The following DIAPH3 variants were observed in gnomAD, a reference collection of about 807,000 sequenced individuals.
DIAPH3 encodes the protein diaphanous related formin 3.
DIAPH3 carries 117 observed loss-of-function variants against 144.3 expected under a neutral mutation model. The observed-to-expected ratio is 0.81, with a 90% confidence interval of 0.70 to 0.95. DIAPH3 has a LOEUF of 0.95. DIAPH3 is among the 40% of genes least tolerant of loss of function. The pLI, the probability that DIAPH3 is intolerant of heterozygous loss-of-function variation, is 0.00. For missense variants in DIAPH3, 1,421 were observed against 1,412.7 expected (o/e 1.01, Z -0.09); for synonymous variants, 519 against 488.9 (o/e 1.06, Z -0.81).
At chr13:60,073,031 G>A (rs1003252654) in intron 4 of DIAPH3, among the ~76,000 whole-genome samples, 4 of 152,036 alleles carry the variant, frequency 2.6e-5, no homozygotes, top group African/African-American at 4.8e-5. Flanking sequence ...AATATAGGCC[G>A]GGCACAGTGG....
chr13:60,148,029 GT>G (rs1461403398), intron 1 of DIAPH3, among the ~76,000 whole-genome samples: 3 of 152,122 alleles, frequency 2.0e-5, no homozygotes, highest in African/African-American at 7.2e-5. Context: ...GAAGAGGCAA[GT>G]GCTATAAGTA....
chr13:59,916,317 T>G, intron 18 of DIAPH3, 68 bp from the exon 19 acceptor site: 1 of 1,172,696 alleles, frequency 8.5e-7, no homozygotes, highest in East Asian at 2.5e-5. Flanking sequence ...GATGTAGTTC[T>G]ATTTATAAAA....
chr13:60,139,738 A>C (rs542756524), intron 1 of DIAPH3, among the ~76,000 whole-genome samples: 1 of 152,334 alleles, frequency 6.6e-6, no homozygotes, highest in African/African-American at 2.4e-5. Flanking sequence ...TTTTCATTCT[A>C]ACATAACTCC....
At position 60,163,709 on chromosome 13, in the gene DIAPH3, G is replaced by A. The variant is rs1952411940; in HGVS notation, c.58C>T (p.Pro20Ser). 3 of 1,608,322 alleles carry A rather than the reference G, an allele frequency of 1.9e-6. No homozygotes were observed. Among genetic ancestry groups the A allele is most frequent in the Middle Eastern group, 1.7e-4 (1 of 5,980 alleles). ...CGGAGAGAGGCTGAGGAAGGGTAGG[G>A]AGTCCCAGCGGCTGAGCCTTGGGCC... ...HPAQGSAAGT[P>S]YPSSASLRGC... Residue 20 changes from proline to serine, a missense_variant, in exon 1 of 28, where the codon CCC becomes TCC. Pro to Ser is a moderately conservative substitution (Grantham distance 74). Transcript: ENST00000400324.
At chr13:60,129,025 G>A (rs1315801480) in intron 2 of DIAPH3, among the ~76,000 whole-genome samples, 2 of 152,144 alleles carry the variant, frequency 1.3e-5, no homozygotes, top group Admixed American at 6.5e-5. Flanking sequence ...GCAGGCTGCA[G>A]TCAGATGAAC....
At chr13:60,088,140 G>A (rs956087382) in intron 4 of DIAPH3, among the ~76,000 whole-genome samples, 1 of 152,160 alleles carries the variant, frequency 6.6e-6, no homozygotes, top group East Asian at 1.9e-4. Context: ...TAGTTAAACT[G>A]TCTGGACAGT....
At chr13:59,678,937 T>C (rs769449995) in intron 27 of DIAPH3, among the ~76,000 whole-genome samples, 2 of 152,184 alleles carry the variant, frequency 1.3e-5, no homozygotes, top group Non-Finnish European at 2.9e-5. Context: ...CATGACTACA[T>C]GACAACTCAG....
chr13:59,859,130 T>C (rs1479455629), intron 22 of DIAPH3, among the ~76,000 whole-genome samples: 6 of 152,110 alleles, frequency 3.9e-5, no homozygotes. Context: ...ATCTCATTAA[T>C]AAAGTAATAT....
intron 5 of DIAPH3, 52 bp downstream of exon 5, chr13:60,042,638 A>G: frequency 1.2e-6 from 2 of 1,609,680 alleles, no homozygotes; most frequent in South Asian, 2.2e-5. Flanking sequence ...TATTAAACTA[A>G]AAGAACACAT....
chr13:59,999,893 G>A (rs147119192), intron 9 of DIAPH3, among the ~76,000 whole-genome samples: 228 of 152,198 alleles, frequency 1.5e-3, no homozygotes, highest in Non-Finnish European at 9.9e-4. Context: ...AAGACTAACA[G>A]CCTCATTTCA....
intron 27 of DIAPH3, among the ~76,000 whole-genome samples, chr13:59,716,301 C>A (rs763945166): frequency 1.3e-5 from 2 of 152,038 alleles, no homozygotes; most frequent in South Asian, 2.1e-4. Flanking sequence ...TCAGCCTCCC[C>A]AGTAGCTGGG....
chr13:59,844,182 T>C (rs2042498075), intron 22 of DIAPH3, among the ~76,000 whole-genome samples: 1 of 152,114 alleles, frequency 6.6e-6, no homozygotes, highest in Admixed American at 6.5e-5. Flanking sequence ...AATTCTTGTA[T>C]GTATCTTCAA....
At chr13:59,680,373 T>C (rs149272793) in intron 27 of DIAPH3, among the ~76,000 whole-genome samples, 405 of 152,292 alleles carry the variant, frequency 2.7e-3, no homozygotes, top group Non-Finnish European at 4.5e-3. Flanking sequence ...GCTTGGCTGC[T>C]GGGCCTCAGG....
chr13:59,920,586 G>A (rs949828027), intron 18 of DIAPH3, among the ~76,000 whole-genome samples: 1 of 150,990 alleles, frequency 6.6e-6, no homozygotes, highest in Non-Finnish European at 1.5e-5. Context: ...CAACACCAAA[G>A]CATCTAAATA....
intron 22 of DIAPH3, among the ~76,000 whole-genome samples, chr13:59,857,661 G>C (rs1036150446): frequency 6.6e-6 from 1 of 152,100 alleles, no homozygotes; most frequent in Non-Finnish European, 1.5e-5. Flanking sequence ...AGTTCCTAAA[G>C]TATAAGAATT....
intron 2 of DIAPH3, among the ~76,000 whole-genome samples, chr13:60,128,777 C>CT (rs57966867): frequency 0.04 from 5,674 of 140,664 alleles, 132 homozygotes; most frequent in East Asian, 0.076. Context: ...ATTCAATTAC[C>CT]TTTTTTTTTT....
At chr13:59,710,253 A>AT in intron 27 of DIAPH3, among the ~76,000 whole-genome samples, 1 of 150,208 alleles carries the variant, frequency 6.7e-6, no homozygotes. Context: ...AATAATAATA[A>AT]ATAACAAAAA....
chr13:60,049,064 A>C (rs1489289364), intron 4 of DIAPH3, among the ~76,000 whole-genome samples: 1 of 152,228 alleles, frequency 6.6e-6, no homozygotes, highest in Non-Finnish European at 1.5e-5. Flanking sequence ...ATAACCACAC[A>C]ATGAAATACT....
intron 17 of DIAPH3, among the ~76,000 whole-genome samples, chr13:59,952,219 G>T (rs2049134897): frequency 6.6e-6 from 1 of 152,130 alleles, no homozygotes; most frequent in Admixed American, 6.5e-5. Flanking sequence ...GCAGAAAACA[G>T]ATTGGTGATT....
Sources: allele counts gnomAD v4.1 joint callset (sites outside exome capture counted in the v4.1 genomes callset), GRCh38; gene constraint gnomAD v4.1.1; transcripts MANE v1.5; gene names NCBI Gene and HGNC (gene_info 2026-07-23, HGNC 2026-07-21).